MMP16: variants seen among roughly 807,000 people sequenced by gnomAD.
MMP16 encodes matrix metalloproteinase-16.
MMP16 carries 12 observed loss-of-function variants against 67.8 expected under a neutral mutation model. That is an observed-to-expected ratio of 0.18 (90% CI 0.11 to 0.29). The LOEUF (loss-of-function observed/expected upper bound fraction) is 0.29, where lower values mean the gene tolerates loss of function less well. Among genes scored for constraint, MMP16 ranks in the 10% least tolerant of loss-of-function variants. The probability of loss-of-function intolerance (pLI) is 1.00; values close to 1 mark genes in which losing one functional copy is unlikely to be tolerated. For missense variants in MMP16, 475 were observed against 765.7 expected, an observed-to-expected ratio of 0.62 and a Z score of 4.48; for synonymous variants, 249 against 255.9, an observed-to-expected ratio of 0.97 and a Z score of 0.26.
intron 2 of MMP16, among the ~76,000 whole-genome samples, chr8:88,195,275 T>G (rs1394065545): frequency 6.6e-6 from 1 of 152,206 alleles, no homozygotes; most frequent in African/African-American, 2.4e-5. Context: ...GTACCTTTTC[T>G]AGGACTCCAC....
intron 4 of MMP16, among the ~76,000 whole-genome samples, chr8:88,160,514 C>CA (rs1302702914): frequency 2.0e-5 from 3 of 151,846 alleles, no homozygotes; most frequent in South Asian, 2.1e-4. Context: ...TTTATGTAGC[C>CA]AAAAAACACA....
At chr8:88,055,068 A>AT (rs1468373133) in intron 8 of MMP16, among the ~76,000 whole-genome samples, 2 of 152,022 alleles carry the variant, frequency 1.3e-5, no homozygotes, top group East Asian at 3.9e-4. Context: ...TTAAAATTTG[A>AT]TTTTTTATAT....
intron 8 of MMP16, among the ~76,000 whole-genome samples, chr8:88,048,554 G>C (rs551146183): frequency 2.6e-5 from 4 of 152,154 alleles, no homozygotes; most frequent in Non-Finnish European, 5.9e-5. Flanking sequence ...CTATGAGATA[G>C]TCATCACTGT....
chr8:88,081,752 C>G (rs1033170722), intron 6 of MMP16, among the ~76,000 whole-genome samples: 3 of 151,240 alleles, frequency 2.0e-5, no homozygotes, highest in African/African-American at 7.3e-5. Context: ...GTAGTAAAAA[C>G]AGTTTTTTTT....
At chr8:88,063,199 TATTC>T (rs1210109550) in intron 7 of MMP16, among the ~76,000 whole-genome samples, 5 of 152,098 alleles carry the variant, frequency 3.3e-5, no homozygotes, top group African/African-American at 7.2e-5. Flanking sequence ...TTTTCAATGA[TATTC>T]ATCTATCCAT....
chr8:88,294,227 T>TAC (rs1180713975), intron 1 of MMP16, among the ~76,000 whole-genome samples: 3 of 149,902 alleles, frequency 2.0e-5, no homozygotes, highest in East Asian at 1.9e-4. Context: ...GATATATATA[T>TAC]ACACACACAT....
At chr8:88,313,716 C>A (rs1164403648) in intron 1 of MMP16, among the ~76,000 whole-genome samples, 1 of 151,970 alleles carries the variant, frequency 6.6e-6, no homozygotes, top group African/African-American at 2.4e-5. Flanking sequence ...AAAGACATAC[C>A]CAAGACTGGG....
rs563012110 is a variant in MMP16 at position 88,263,800 on chromosome 8, A to C, written c.132+63275T>G. Among the ~76,000 whole-genome samples the C allele has an allele frequency of 3.6e-4, 52 of 145,350 alleles. 1 individual carries two copies. In the South Asian group the frequency reaches 1.0e-2, roughly 28 times the overall value. On this transcript the variant is annotated intron_variant, in intron 1 of 9. Coordinates refer to ENST00000286614, the MANE Select transcript of MMP16 (RefSeq NM_005941.5). ...TTCAAATAAGGTCACATTCTGGGGT[A>C]CTGGGGGTTGGGACCTTGACATACG... is the stretch of plus-strand genomic sequence containing the variant.
At chr8:88,206,137 G>GT (rs1448187679) in intron 1 of MMP16, among the ~76,000 whole-genome samples, 5 of 151,264 alleles carry the variant, frequency 3.3e-5, no homozygotes, top group Admixed American at 6.6e-5. Flanking sequence ...TTAAATTGTG[G>GT]TAAAAAAAAT....
chr8:88,320,360 A>C (rs548577269), intron 1 of MMP16, among the ~76,000 whole-genome samples: 1 of 152,274 alleles, frequency 6.6e-6, no homozygotes, highest in South Asian at 2.1e-4. Flanking sequence ...TCTAATCTAT[A>C]AAACCACAAT....
chr8:88,114,609 G>C (rs1809397945), intron 6 of MMP16, among the ~76,000 whole-genome samples: 1 of 151,900 alleles, frequency 6.6e-6, no homozygotes, highest in Admixed American at 6.6e-5. Context: ...GAAATTATGT[G>C]ACAAAACGTT....
intron 1 of MMP16, among the ~76,000 whole-genome samples, chr8:88,317,450 T>G (rs1811390961): frequency 6.6e-6 from 1 of 152,132 alleles, no homozygotes; most frequent in Non-Finnish European, 1.5e-5. Flanking sequence ...TGTACATGCT[T>G]TTTTAGGTAT....
rs191912337 is a variant in MMP16, at chr8:88,279,778, T to A, written c.132+47297A>T. ...TTAGAGGACATTCAACGACTCTCCA[T>A]ATTTCTTCTCAAGGTATCATCCATC... On this transcript the variant is annotated intron_variant, in intron 1 of 9. Coordinates refer to ENST00000286614, the MANE Select transcript of MMP16 (RefSeq NM_005941.5). Among the ~76,000 whole-genome samples, 101 of 152,330 alleles carry A rather than the reference T, an allele frequency of 6.6e-4. 1 individual carries two copies. Among genetic ancestry groups the A allele is most frequent in the Middle Eastern group, 3.4e-3 (1 of 294 alleles).
intron 1 of MMP16, among the ~76,000 whole-genome samples, chr8:88,317,782 T>C (rs1266102488): frequency 6.6e-6 from 1 of 152,168 alleles, no homozygotes; most frequent in Non-Finnish European, 1.5e-5. Flanking sequence ...TCTTAGGGCC[T>C]GAAGATTTTT....
chr8:88,154,780 G>C (rs1808479091), intron 4 of MMP16, among the ~76,000 whole-genome samples: 1 of 148,950 alleles, frequency 6.7e-6, no homozygotes, highest in East Asian at 2.0e-4. Context: ...TGACGAGTTA[G>C]TGGGTGCAGC....
rs188628444 is a variant in MMP16 at position 88,091,342 on chromosome 8, C to T, written c.1084-16599G>A. Among the ~76,000 whole-genome samples, 105 of 151,860 alleles carry T rather than the reference C, an allele frequency of 6.9e-4. 1 individual carries two copies. The highest frequency in any genetic ancestry group is 2.5e-3 in the African/African-American group (102 of 41,478). On this transcript the variant is annotated intron_variant, in intron 6 of 9. Transcript: ENST00000286614. ...TCTGTTATAACTATTTCTTACTAGT[C>T]AGATACAGTAGAAATTGTGACCGTG...
At chr8:88,101,023 C>CTA (rs1809134576) in intron 6 of MMP16, among the ~76,000 whole-genome samples, 1 of 150,812 alleles carries the variant, frequency 6.6e-6, no homozygotes, top group Non-Finnish European at 1.5e-5. Context: ...ATATACCTAA[C>CTA]GATGACAAGT....
intron 2 of MMP16, among the ~76,000 whole-genome samples, chr8:88,196,587 G>A (rs137976475): frequency 1.3e-5 from 2 of 152,230 alleles, no homozygotes; most frequent in East Asian, 1.9e-4. Context: ...AACAAGCCCT[G>A]TGATAACAAG....
chr8:88,130,584 T>C (rs1808011880), intron 4 of MMP16, among the ~76,000 whole-genome samples: 1 of 151,806 alleles, frequency 6.6e-6, no homozygotes, highest in Non-Finnish European at 1.5e-5. Context: ...CAGCAAAATA[T>C]CTTGTCTTAT....
Sources: allele counts gnomAD v4.1 joint callset (sites outside exome capture counted in the v4.1 genomes callset), GRCh38; gene constraint gnomAD v4.1.1; transcripts MANE v1.5; gene names NCBI Gene and HGNC (gene_info 2026-07-23, HGNC 2026-07-21).